ATXN1: variants seen among roughly 807,000 people sequenced by gnomAD.
ATXN1 encodes ataxin 1.
In ATXN1, 8 loss-of-function variants were observed where a neutral mutation model predicts 56.4. The ratio of observed to expected loss-of-function variants is 0.14; its 90% confidence interval spans 0.08 to 0.26. The LOEUF (loss-of-function observed/expected upper bound fraction) is 0.26, where lower values mean the gene tolerates loss of function less well. Ranked by LOEUF, ATXN1 falls within the 10% of genes least tolerant of loss-of-function variation. The pLI is 1.00. For missense variants in ATXN1, 987 were observed against 1,106.5 expected, an observed-to-expected ratio of 0.89 and a Z score of 1.53; for synonymous variants, 514 against 494.6, an observed-to-expected ratio of 1.04 and a Z score of -0.52.
At chr6:16,367,360 TCTCA>T (rs142146508) in intron 6 of ATXN1, among the ~76,000 whole-genome samples, 2,117 of 116,438 alleles carry the variant, frequency 0.018, 39 homozygotes, top group African/African-American at 0.054. Flanking sequence ...TCTCTCTCTC[TCTCA>T]CACACACACA....
chr6:16,461,725 G>A (rs1367679582), intron 6 of ATXN1, among the ~76,000 whole-genome samples: 3 of 152,166 alleles, frequency 2.0e-5, no homozygotes, highest in South Asian at 4.1e-4. Flanking sequence ...ACAATGGTCC[G>A]GCTCTTAAAG....
At chr6:16,422,176 G>C (rs1759050294) in intron 6 of ATXN1, among the ~76,000 whole-genome samples, 1 of 152,144 alleles carries the variant, frequency 6.6e-6, no homozygotes, top group African/African-American at 2.4e-5. Flanking sequence ...ATATTTTGAG[G>C]TTTCAGAGAC....
rs1450489876 is a variant in ATXN1, at chr6:16,326,605, G to C, written c.1706C>G (p.Thr569Arg). The change falls in exon 7 of 8, where the codon ACG becomes AGG. Residue 569 changes from threonine to arginine, a missense_variant. Physicochemically the swap from Thr to Arg is moderately conservative, Grantham distance 71. Around this residue, in one of 3 missense-constraint regions of ATXN1, gnomAD observed 723 missense variants for 791.7 expected, o/e 0.91. Coordinates refer to ENST00000436367, the MANE Select transcript of ATXN1 (RefSeq NM_001128164.2). This position sits in a 1 kb window ranked among gnomAD's most constrained non-coding sequence, Gnocchi z 6.6. ...SVASPAAAPP[T>R]LPPYFMKGSI... ...GCCTTTCATGAAGTAGGGAGGCAGC[G>C]TAGGGGGAGCCGCCGCCGGGGAGGC... 1 of 1,614,180 alleles carries C rather than the reference G, an allele frequency of 6.2e-7. No individual in the cohort carries two copies. The highest frequency in any genetic ancestry group is 8.5e-7 in the Non-Finnish European group (1 of 1,180,042).
rs934400370 is a variant in ATXN1 at position 16,657,688 on chromosome 6, C to A, written c.-489+88G>T. The A allele has an allele frequency of 1.6e-4, 24 of 152,168 alleles. 1 individual carries two copies. The highest frequency in any genetic ancestry group is 7.3e-5 in the Non-Finnish European group (5 of 68,036). The allele number at this position is 152,168 out of a possible 1,614,324, so 9.4% of individuals were successfully genotyped here. The stretch of plus-strand genomic sequence containing the variant: ...TTTAGGATGTAGAGAAATAGCAATA[C>A]GCTTGAAGAAGAAGTTCTGGTACAC... On this transcript the variant is annotated intron_variant, in intron 3 of 7. Transcript: ENST00000436367.
rs765101037 is a variant in ATXN1 at position 16,327,592 on chromosome 6, G to C, written c.719C>G (p.Pro240Arg). ...GACGTACTGGTTCTGCTGGGCTGGT[G>C]GGGGGGACCCCGGGGTGATGAGCCC... Reference protein sequence around the residue: ...APGLITPGSPPPAQQNQYVHI... With the variant: ...APGLITPGSPRPAQQNQYVHI... The change falls in exon 7 of 8, where the codon CCA (proline) becomes CGA (arginine). Residue 240 changes from proline to arginine, a missense_variant. Physicochemically the swap from Pro to Arg is moderately radical, Grantham distance 103. Around this residue, in one of 3 missense-constraint regions of ATXN1, gnomAD observed 723 missense variants for 791.7 expected, o/e 0.91. Transcript: ENST00000436367. 1.1e-5 allele frequency: 18 copies of C among 1,594,714 alleles called. No homozygotes were observed. The highest frequency in any genetic ancestry group is 2.2e-5 in the South Asian group (2 of 89,440).
intron 3 of ATXN1, among the ~76,000 whole-genome samples, chr6:16,638,544 G>C (rs750156297): frequency 1.3e-5 from 2 of 151,682 alleles, no homozygotes; most frequent in Non-Finnish European, 2.9e-5. Flanking sequence ...CCTTGACGCT[G>C]AAGTGTCACT....
chr6:16,322,339 C>A (rs1486534343), intron 7 of ATXN1, among the ~76,000 whole-genome samples: 1 of 152,176 alleles, frequency 6.6e-6, no homozygotes, highest in Non-Finnish European at 1.5e-5. Context: ...CTGCCAGAGA[C>A]CCAAATCCGC....
At position 16,304,368 on chromosome 6, in the gene ATXN1, A is replaced by G. The variant is rs148660683; in HGVS notation, c.*1961T>C. On this transcript the variant is annotated 3_prime_UTR_variant, in exon 8 of 8. Transcript: ENST00000436367. Reference sequence around the variant, plus strand: ...TGATATTTCGGATCTCTGGGAATGAAAGGTTTAAAAACTATGAAATACCCT... The same window carrying G: ...TGATATTTCGGATCTCTGGGAATGAGAGGTTTAAAAACTATGAAATACCCT... 3.9e-5 allele frequency: 6 copies of G among 152,712 alleles called. No individual in the cohort carries two copies. In the East Asian group the frequency reaches 1.2e-3, roughly 29 times the overall value. 9.5% of individuals were successfully genotyped at this position (152,712 alleles called of 1,614,324 possible). A position where few individuals can be genotyped will look rare whatever the true frequency, so the allele number is the denominator to read the frequency against.
chr6:16,546,628 G>T (rs769925595), intron 4 of ATXN1, among the ~76,000 whole-genome samples: 1 of 152,186 alleles, frequency 6.6e-6, no homozygotes, highest in Non-Finnish European at 1.5e-5. Flanking sequence ...GTAGAGATAT[G>T]AAATTGCTAC....
intron 6 of ATXN1, among the ~76,000 whole-genome samples, chr6:16,401,876 G>C (rs1758581339): frequency 6.6e-6 from 1 of 152,132 alleles, no homozygotes; most frequent in Non-Finnish European, 1.5e-5. Flanking sequence ...ACCCGAGACT[G>C]AGCAATTTAC....
intron 6 of ATXN1, among the ~76,000 whole-genome samples, chr6:16,463,414 C>T (rs568351685): frequency 3.3e-5 from 5 of 152,288 alleles, no homozygotes; most frequent in East Asian, 3.9e-4. Flanking sequence ...CCTACTTATA[C>T]GGTTAAGAAT....
At chr6:16,586,581 G>A (rs1010987016) in intron 3 of ATXN1, among the ~76,000 whole-genome samples, 29 of 152,284 alleles carry the variant, frequency 1.9e-4, no homozygotes, top group South Asian at 6.2e-4. Context: ...CTGCATTATT[G>A]ACAAGAAAAC....
chr6:16,638,056 T>C (rs1332809978), intron 3 of ATXN1, among the ~76,000 whole-genome samples: 1 of 152,102 alleles, frequency 6.6e-6, no homozygotes, highest in Non-Finnish European at 1.5e-5. Context: ...TTAAACATAT[T>C]CATAATCAGG....
intron 2 of ATXN1, among the ~76,000 whole-genome samples, chr6:16,700,506 A>C (rs934330514): frequency 9.9e-5 from 15 of 152,104 alleles, no homozygotes; most frequent in African/African-American, 3.1e-4. Flanking sequence ...CCAGGAGATC[A>C]GATTGTCTGG....
intron 6 of ATXN1, among the ~76,000 whole-genome samples, chr6:16,473,526 T>G (rs1309448460): frequency 6.6e-6 from 1 of 151,986 alleles, no homozygotes; most frequent in Non-Finnish European, 1.5e-5. Context: ...TATTTTGAGG[T>G]CAAAGGGAAA....
chr6:16,699,512 G>A (rs186320491), intron 2 of ATXN1, among the ~76,000 whole-genome samples: 2 of 152,290 alleles, frequency 1.3e-5, no homozygotes, highest in East Asian at 3.9e-4. Context: ...TGCAAATGTT[G>A]TTTCACCATC....
At chr6:16,704,773 A>C (rs569296160) in intron 2 of ATXN1, among the ~76,000 whole-genome samples, 2 of 152,324 alleles carry the variant, frequency 1.3e-5, no homozygotes, top group East Asian at 3.9e-4. Flanking sequence ...TCAGAGCTGA[A>C]GTGATCAAAT....
At chr6:16,569,785 G>C (rs929230081) in intron 4 of ATXN1, among the ~76,000 whole-genome samples, 1 of 152,154 alleles carries the variant, frequency 6.6e-6, no homozygotes, top group African/African-American at 2.4e-5. Flanking sequence ...ATGTCCACAT[G>C]ACTAAATTCT....
At chr6:16,459,218 T>C (rs1036298168) in intron 6 of ATXN1, among the ~76,000 whole-genome samples, 2 of 152,218 alleles carry the variant, frequency 1.3e-5, no homozygotes, top group Non-Finnish European at 2.9e-5. Flanking sequence ...GTTACCCATT[T>C]GTTGTCCCCT....
Sources: allele counts gnomAD v4.1 joint callset (sites outside exome capture counted in the v4.1 genomes callset), GRCh38; gene constraint gnomAD v4.1.1; regional missense constraint gnomAD v4.1.1; non-coding constraint Gnocchi (gnomAD v3.1); transcripts MANE v1.5; gene names NCBI Gene and HGNC (gene_info 2026-07-23, HGNC 2026-07-21).